PTPRT: variants seen among roughly 807,000 people sequenced by gnomAD.
The protein encoded by PTPRT is receptor-type tyrosine-protein phosphatase T.
PTPRT carries 56 observed loss-of-function variants against 176.8 expected under a neutral mutation model. The observed-to-expected ratio is 0.32, with a 90% CI of 0.26 to 0.40. PTPRT has a LOEUF of 0.40. PTPRT is among the 10% of genes least tolerant of loss of function. The pLI is 1.00. For missense variants in PTPRT, 1,540 were observed against 1,908.2 expected (o/e 0.81, Z 3.60); for synonymous variants, 783 against 739.0 (o/e 1.06, Z -0.96).
At chr20:42,119,345 G>GT (rs1387362254) in intron 20 of PTPRT, among the ~76,000 whole-genome samples, 1 of 152,076 alleles carries the variant, frequency 6.6e-6, no homozygotes, top group African/African-American at 2.4e-5. Flanking sequence ...CGTACCAATT[G>GT]TTGGGCATTT....
At position 42,248,677 on chromosome 20, in the gene PTPRT, A is replaced by G; in HGVS notation, c.2312+10T>C. 6.2e-7 allele frequency: 1 copy of G among 1,613,618 alleles called. No individual in the cohort carries two copies. Among genetic ancestry groups the G allele is most frequent in the Non-Finnish European group, 8.5e-7 (1 of 1,179,698 alleles). ...TCAGCAGAGTCTTGCAGGCAGCAGC[A>G]GAGACTCACCTCCTTTTGATGGTGA... On this transcript the variant is annotated intron_variant, in intron 14 of 30. Transcript: ENST00000373187.
intron 6 of PTPRT, among the ~76,000 whole-genome samples, chr20:42,715,235 C>T (rs149569067): frequency 1.4e-4 from 21 of 152,208 alleles, no homozygotes; most frequent in African/African-American, 4.8e-4. Context: ...ATAATCCAGA[C>T]CACCTACAGC....
chr20:42,481,767 TACACACACAAACACACACAC>T lies in PTPRT; in HGVS notation c.1154-9225_1154-9206del, dbSNP rs1261778584. Among the ~76,000 whole-genome samples, 1,011 of 137,146 alleles carry T rather than the reference TACACACACAAACACACACAC, an allele frequency of 7.4e-3. 8 individuals carry two copies. The highest frequency in any genetic ancestry group is 0.026 in the African/African-American group (954 of 36,262). 90.0% of individuals were successfully genotyped at this position (137,146 alleles called of 152,430 possible). ...CCGTGTCTCTAAAAGAAAAAAACCA[TACACACACAAACACACACAC>T]ACACACACACACACACACGCGCGCA... is the stretch of plus-strand genomic sequence containing the variant. On this transcript the variant is annotated intron_variant, in intron 7 of 30. Coordinates refer to ENST00000373187, the MANE Select transcript of PTPRT (RefSeq NM_007050.6).
At chr20:42,452,899 C>T (rs549380813) in intron 8 of PTPRT, among the ~76,000 whole-genome samples, 2 of 152,262 alleles carry the variant, frequency 1.3e-5, no homozygotes, top group African/African-American at 2.4e-5. Flanking sequence ...TAATTCCTTA[C>T]AATTTTCTCA....
intron 1 of PTPRT, among the ~76,000 whole-genome samples, chr20:42,891,099 T>C (rs1347309149): frequency 2.0e-5 from 3 of 152,256 alleles, no homozygotes. Context: ...GTCTTGGCTA[T>C]GTCTTTATCA....
chr20:42,894,981 G>A (rs886813850), intron 1 of PTPRT, among the ~76,000 whole-genome samples: 10 of 152,190 alleles, frequency 6.6e-5, no homozygotes, highest in African/African-American at 2.4e-4. Context: ...CATGTGAGCT[G>A]TTCAGACAGA....
chr20:42,348,282 C>T (rs1419919152), intron 11 of PTPRT, among the ~76,000 whole-genome samples: 3 of 152,178 alleles, frequency 2.0e-5, no homozygotes, highest in Non-Finnish European at 4.4e-5. Flanking sequence ...TGAGTCTACA[C>T]CCACCCTCAA....
intron 1 of PTPRT, among the ~76,000 whole-genome samples, chr20:43,046,312 C>G (rs1462315519): frequency 1.3e-5 from 2 of 152,008 alleles, no homozygotes; most frequent in Non-Finnish European, 2.9e-5. Context: ...TGGCTCGCAC[C>G]TGTAATCCCA....
chr20:42,106,543 GA>G (rs1255173806), intron 24 of PTPRT, among the ~76,000 whole-genome samples: 4 of 152,150 alleles, frequency 2.6e-5, no homozygotes, highest in Non-Finnish European at 5.9e-5. Context: ...CAGAGATGGA[GA>G]ACTCACCACC....
intron 1 of PTPRT, among the ~76,000 whole-genome samples, chr20:43,060,068 C>T (rs188264786): frequency 1.3e-4 from 19 of 151,948 alleles, no homozygotes; most frequent in South Asian, 8.3e-4. Context: ...TTTTCTAGCA[C>T]GTACCTCAAA....
chr20:42,810,345 T>C (rs2077681464), intron 2 of PTPRT, among the ~76,000 whole-genome samples: 1 of 152,076 alleles, frequency 6.6e-6, no homozygotes, highest in Non-Finnish European at 1.5e-5. Flanking sequence ...GAGGAGAAGA[T>C]GACCTACCTG....
intron 6 of PTPRT, among the ~76,000 whole-genome samples, chr20:42,724,560 C>G (rs1012895472): frequency 2.1e-4 from 32 of 152,236 alleles, no homozygotes; most frequent in African/African-American, 7.2e-4. Flanking sequence ...TGGGAAGTAA[C>G]AGCTCCCTGC....
rs532206822 is a variant in PTPRT at position 42,829,655 on chromosome 20, A to G, written c.215-38189T>C. Among the ~76,000 whole-genome samples the G allele has an allele frequency of 5.9e-5, 9 of 152,358 alleles. No homozygotes were observed. In the East Asian group the frequency reaches 9.6e-4, roughly 16 times the overall value. ...TGGAGGCATGAAAAACATTCAAAAG[A>G]TCAATGAATCCAGGAGTTGGTTTTT... is the stretch of plus-strand genomic sequence containing the variant. On this transcript the variant is annotated intron_variant, in intron 2 of 30. Coordinates refer to ENST00000373187, the MANE Select transcript of PTPRT (RefSeq NM_007050.6).
chr20:42,830,691 T>C (rs1224179146), intron 2 of PTPRT, among the ~76,000 whole-genome samples: 3 of 151,266 alleles, frequency 2.0e-5, no homozygotes, highest in African/African-American at 7.3e-5. Context: ...TTTATATCTA[T>C]ATAAATCAGG....
intron 11 of PTPRT, among the ~76,000 whole-genome samples, chr20:42,330,568 A>C (rs1005827046): frequency 6.6e-6 from 1 of 152,060 alleles, no homozygotes; most frequent in Non-Finnish European, 1.5e-5. Flanking sequence ...AATAACTTTA[A>C]GCAAGTCTAT....
rs1987612772 is a variant in PTPRT, at chr20:43,064,676, TG to T, written c.88+124969del. On this transcript the variant is annotated intron_variant, in intron 1 of 30. Coordinates refer to ENST00000373187, the MANE Select transcript of PTPRT (RefSeq NM_007050.6). ...AAACATCAAGTTCAAAGAAGTCTTC[TG>T]GAAGTCAAGAGCTGACAGGAGCTGG... Among the ~76,000 whole-genome samples the T allele has an allele frequency of 4.6e-5, 7 of 152,294 alleles. 1 individual carries two copies. The South Asian group carries it at 1.5e-3, about 32-fold the overall frequency.
rs1348630355 is a variant in PTPRT at position 42,616,241 on chromosome 20, T to C, written c.1153+61625A>G. On this transcript the variant is annotated intron_variant, in intron 7 of 30. Coordinates refer to ENST00000373187, the MANE Select transcript of PTPRT (RefSeq NM_007050.6). ...TTTCTCAGGTTTGTCAAAGATCAGA[T>C]AGTTGTAGATATGCAGCGTTATTTC... 7.3e-5 allele frequency among the ~76,000 whole-genome samples: 9 copies of C among 123,994 alleles called. 2 individuals are homozygous for C. Among genetic ancestry groups the C allele is most frequent in the African/African-American group, 3.1e-4 (8 of 25,516 alleles). 81.3% of individuals were successfully genotyped at this position (123,994 alleles called of 152,430 possible).
At chr20:42,541,008 T>C (rs1289341277) in intron 7 of PTPRT, among the ~76,000 whole-genome samples, 1 of 152,170 alleles carries the variant, frequency 6.6e-6, no homozygotes, top group Non-Finnish European at 1.5e-5. Flanking sequence ...TGCATAATTA[T>C]AACCAGGTGA....
chr20:42,154,599 C>A (rs950780055), intron 17 of PTPRT, among the ~76,000 whole-genome samples: 11 of 152,216 alleles, frequency 7.2e-5, no homozygotes, highest in African/African-American at 2.7e-4. Flanking sequence ...CTTCTGGTTG[C>A]CCTACTGGGC....
Sources: gnomAD v4.1 joint callset for allele counts (sites outside exome capture counted in the v4.1 genomes callset) on GRCh38, gnomAD v4.1.1 for gene constraint, MANE v1.5 for transcripts, NCBI Gene and HGNC (gene_info 2026-07-23, HGNC 2026-07-21) for gene names.